Variants in TMEM63C observed in about 807,000 individuals in gnomAD.
TMEM63C encodes transmembrane protein 63C.
TMEM63C carries 32 observed loss-of-function variants against 99.2 expected under a neutral mutation model. The ratio of observed to expected loss-of-function variants is 0.32; its 90% CI spans 0.24 to 0.43. The LOEUF is 0.43. Among genes scored for constraint, TMEM63C ranks in the 20% least tolerant of loss-of-function variants. The pLI is 1.00. For missense variants in TMEM63C, 826 were observed against 1,053.0 expected, an observed-to-expected ratio of 0.78 and a Z score of 2.98; for synonymous variants, 376 against 397.9, an observed-to-expected ratio of 0.94 and a Z score of 0.66.
chr14:77,224,106 T>A (rs1343569042), intron 5 of TMEM63C, among the ~76,000 whole-genome samples: 1 of 151,988 alleles, frequency 6.6e-6, no homozygotes, highest in African/African-American at 2.4e-5. Context: ...TGGAGGAATG[T>A]CCTGCTGTGA....
intron 7 of TMEM63C, 102 bp downstream of exon 7, chr14:77,231,832 C>A: frequency 8.3e-6 from 11 of 1,324,582 alleles, no homozygotes; most frequent in Non-Finnish European, 1.1e-5. Context: ...CTATTTTAAT[C>A]CTGCCTCTGG....
intron 1 of TMEM63C, chr14:77,212,421 T>G (rs1888509377): frequency 6.6e-6 from 1 of 152,238 alleles, no homozygotes; most frequent in South Asian, 2.1e-4. Flanking sequence ...AACAGATGAG[T>G]TCTTTGATGC....
intron 1 of TMEM63C, among the ~76,000 whole-genome samples, chr14:77,184,025 CT>C (rs1304590925): frequency 6.6e-6 from 1 of 152,200 alleles, no homozygotes; most frequent in African/African-American, 2.4e-5. Flanking sequence ...CCCTCAGCAT[CT>C]CTACCTGATA....
chr14:77,219,567 C>T lies in TMEM63C; in HGVS notation c.220C>T (p.His74Tyr). 6.2e-7 allele frequency: 1 copy of T among 1,613,950 alleles called. No individual in the cohort carries two copies. Among genetic ancestry groups the T allele is most frequent in the Non-Finnish European group, 8.5e-7 (1 of 1,179,874 alleles). The change falls in exon 4 of 24, where the codon CAC becomes TAC. Residue 74 changes from histidine to tyrosine, a missense_variant. Coordinates refer to ENST00000298351, the MANE Select transcript of TMEM63C (RefSeq NM_020431.4). ...CTATGGGCGCCTGGCTCTGCTGATACACAATGACAGGTGAGGAGGGGTCGA... is the reference window on the plus strand; with the variant it reads ...CTATGGGCGCCTGGCTCTGCTGATATACAATGACAGGTGAGGAGGGGTCGA... ...WDYGRLALLI[H>Y]NDSLTSLIYG...
intron 1 of TMEM63C, among the ~76,000 whole-genome samples, chr14:77,193,539 TA>T (rs898180495): frequency 1.3e-5 from 2 of 151,168 alleles, no homozygotes; most frequent in East Asian, 1.9e-4. Flanking sequence ...CTACAAAAAT[TA>T]AAAAAAAATT....
At chr14:77,243,281 G>T (rs1486398472) in intron 15 of TMEM63C, among the ~76,000 whole-genome samples, 1 of 152,184 alleles carries the variant, frequency 6.6e-6, no homozygotes, top group Non-Finnish European at 1.5e-5. Context: ...GAGTGGGAAG[G>T]GAGAGTGGGG....
rs756766546 is a variant in TMEM63C at position 77,248,499 on chromosome 14, A to G, written c.1754A>G (p.Asn585Ser). The change falls in exon 19 of 24, where the codon AAC becomes AGC. Residue 585 changes from asparagine (N) to serine (S), a missense_variant. Asn to Ser is a conservative substitution (Grantham distance 46, BLOSUM62 1). Transcript: ENST00000298351. ...TCTAGATCAGAGCCAGAGAGAGTCA[A>G]CATCAGAAAGGTACAGACTGGCTCT... Reference protein sequence around the residue: ...FFSRSEPERVNIRKNQAIDFQ... With the variant: ...FFSRSEPERVSIRKNQAIDFQ... The G allele has an allele frequency of 3.2e-6, 5 of 1,585,638 alleles. No homozygotes were observed. In the East Asian group the frequency reaches 6.9e-5, roughly 22 times the overall value.
At chr14:77,193,762 A>C (rs1165864295) in intron 1 of TMEM63C, among the ~76,000 whole-genome samples, 1 of 151,884 alleles carries the variant, frequency 6.6e-6, no homozygotes, top group Non-Finnish European at 1.5e-5. Context: ...TGAACCCGGG[A>C]GGCAGAAGTT....
intron 2 of TMEM63C, among the ~76,000 whole-genome samples, chr14:77,216,300 C>G (rs1888585416): frequency 6.6e-6 from 1 of 152,220 alleles, no homozygotes; most frequent in African/African-American, 2.4e-5. Context: ...GTCTCCTTCT[C>G]TGTTTCCTCC....
chr14:77,245,439 T>A (rs1889253276), intron 16 of TMEM63C, among the ~76,000 whole-genome samples: 1 of 152,232 alleles, frequency 6.6e-6, no homozygotes, highest in Non-Finnish European at 1.5e-5. Flanking sequence ...GATAAAGACA[T>A]ACCCGAGACT....
At chr14:77,249,191 A>C in intron 20 of TMEM63C, 100 bp from the exon 21 acceptor site, 1 of 1,284,666 alleles carries the variant, frequency 7.8e-7, no homozygotes, top group South Asian at 1.3e-5. Flanking sequence ...TGTGACTCTG[A>C]CAGCCGTGGA....
At chr14:77,233,324 A>G (rs1341082378) in intron 7 of TMEM63C, 128 bp from the exon 8 acceptor site, 4 of 909,412 alleles carry the variant, frequency 4.4e-6, no homozygotes, top group Non-Finnish European at 6.9e-6. Flanking sequence ...GCTCTGGGGA[A>G]CCAGAAGGAA....
chr14:77,205,646 G>A (rs1566618954), intron 1 of TMEM63C, among the ~76,000 whole-genome samples: 1 of 152,184 alleles, frequency 6.6e-6, no homozygotes, highest in African/African-American at 2.4e-5. Context: ...AATGGAGGGG[G>A]CAGAGACAAC....
At chr14:77,232,227 T>C (rs976939242) in intron 7 of TMEM63C, among the ~76,000 whole-genome samples, 8 of 152,202 alleles carry the variant, frequency 5.3e-5, no homozygotes, top group Non-Finnish European at 5.9e-5. Flanking sequence ...TACCCACACC[T>C]GCTCCCCAGA....
chr14:77,182,458 C>G (rs1457974957), intron 1 of TMEM63C, among the ~76,000 whole-genome samples: 1 of 152,220 alleles, frequency 6.6e-6, no homozygotes, highest in Non-Finnish European at 1.5e-5. Context: ...CCTACTCGCC[C>G]TGGCCTTGAG....
At chr14:77,250,212 T>G (rs1181816820) in intron 21 of TMEM63C, among the ~76,000 whole-genome samples, 1 of 152,176 alleles carries the variant, frequency 6.6e-6, no homozygotes, top group Admixed American at 6.5e-5. Context: ...AGCTTTTTCC[T>G]CACTCTTTAG....
At chr14:77,243,867 C>G (rs1048905715) in intron 15 of TMEM63C, among the ~76,000 whole-genome samples, 3 of 152,090 alleles carry the variant, frequency 2.0e-5, no homozygotes, top group Non-Finnish European at 4.4e-5. Flanking sequence ...ATACAGTCAA[C>G]ATGTGTGCAT....
intron 7 of TMEM63C, among the ~76,000 whole-genome samples, chr14:77,233,084 G>A (rs1022696762): frequency 6.6e-6 from 1 of 152,228 alleles, no homozygotes; most frequent in African/African-American, 2.4e-5. Context: ...GAATGAGGCA[G>A]TGTTGCCTTT....
chr14:77,225,269 T>C (rs975983864), intron 5 of TMEM63C, among the ~76,000 whole-genome samples, 155 bp from the exon 6 acceptor site: 1 of 152,208 alleles, frequency 6.6e-6, no homozygotes, highest in Non-Finnish European at 1.5e-5. Flanking sequence ...CAGTCACCAC[T>C]GGTTCCCAGC....
Sources: allele counts gnomAD v4.1 joint callset (sites outside exome capture counted in the v4.1 genomes callset), GRCh38; gene constraint gnomAD v4.1.1; transcripts MANE v1.5; gene names NCBI Gene and HGNC (gene_info 2026-07-23, HGNC 2026-07-21).